MSI2: variants seen among roughly 807,000 people sequenced by gnomAD.
MSI2 encodes the protein RNA-binding protein Musashi homolog 2.
MSI2 carries 17 observed loss-of-function variants against 45.6 expected under a neutral mutation model. The ratio of observed to expected loss-of-function variants is 0.37; its 90% CI spans 0.26 to 0.56. MSI2 has a LOEUF of 0.56. Ranked by LOEUF, MSI2 falls within the 20% of genes least tolerant of loss-of-function variation. The pLI, the probability that MSI2 is intolerant of heterozygous loss-of-function variation, is 0.77. For synonymous variants in MSI2, 156 were observed against 158.2 expected (o/e 0.99, Z 0.11); for missense variants, 293 against 444.2 (o/e 0.66, Z 3.06).
At chr17:57,601,179 A>C (rs1244499209) in intron 8 of MSI2, 1 of 152,238 alleles carries the variant, frequency 6.6e-6, no homozygotes, top group Non-Finnish European at 1.5e-5. Flanking sequence ...GACAGGCCAG[A>C]TTCCCAGCTA....
At chr17:57,632,212 T>C (rs375065936) in intron 10 of MSI2, 3 of 1,116,212 alleles carry the variant, frequency 2.7e-6, no homozygotes, top group East Asian at 9.1e-5. Flanking sequence ...GGACATATCA[T>C]GGGGTGAGCT....
chr17:57,303,054 G>A (rs993741206), intron 5 of MSI2, among the ~76,000 whole-genome samples: 1 of 152,220 alleles, frequency 6.6e-6, no homozygotes, highest in Admixed American at 6.5e-5. Flanking sequence ...AGGCCAGAGC[G>A]GGGTTGGGCA....
Position 57,558,182 on chromosome 17 carries a change from G to A in MSI2, c.454+28458G>A, listed in dbSNP as rs974042619. The stretch of plus-strand genomic sequence containing the variant: ...AGATTACAAAGAGAAATTCCACGCC[G>A]TTATGGTCTCAGCGTATTAGGCGCC... On this transcript the variant is annotated intron_variant, in intron 7 of 13. Coordinates refer to ENST00000284073, the MANE Select transcript of MSI2 (RefSeq NM_138962.4). Among the ~76,000 whole-genome samples, 10 of 152,266 alleles carry A rather than the reference G, an allele frequency of 6.6e-5. No homozygotes were observed. The East Asian group carries it at 1.4e-3, about 21-fold the overall frequency.
intron 5 of MSI2, among the ~76,000 whole-genome samples, chr17:57,381,220 C>T (rs1302510327): frequency 6.6e-6 from 1 of 152,054 alleles, no homozygotes; most frequent in African/African-American, 2.4e-5. Context: ...GGTGTACCAC[C>T]ACACCTGGCT....
intron 6 of MSI2, among the ~76,000 whole-genome samples, chr17:57,461,463 A>G (rs2085226636): frequency 6.6e-6 from 1 of 151,940 alleles, no homozygotes; most frequent in East Asian, 1.9e-4. Flanking sequence ...ATGTGCAGGG[A>G]AGTAGGAAAT....
intron 7 of MSI2, among the ~76,000 whole-genome samples, chr17:57,560,270 A>C (rs1048724693): frequency 3.3e-5 from 5 of 151,980 alleles, no homozygotes; most frequent in Non-Finnish European, 5.9e-5. Context: ...TGTTCTTTTA[A>C]AATATTTTCT....
At chr17:57,392,511 G>A (rs763451167) in intron 5 of MSI2, among the ~76,000 whole-genome samples, 6 of 152,144 alleles carry the variant, frequency 3.9e-5, no homozygotes, top group Non-Finnish European at 7.3e-5. Context: ...CCATATAGGC[G>A]AGGGCTATTT....
chr17:57,292,358 G>C (rs1487802761), intron 5 of MSI2, among the ~76,000 whole-genome samples: 2 of 152,194 alleles, frequency 1.3e-5, no homozygotes, highest in African/African-American at 4.8e-5. Flanking sequence ...GTCATGGACT[G>C]GGGGAGACCA....
chr17:57,684,743 T>G (rs973741333), downstream of MSI2: 1 of 152,454 alleles, frequency 6.6e-6, no homozygotes, highest in African/African-American at 2.4e-5. Flanking sequence ...GGAGAGCTGT[T>G]GTTTTGCTTG....
chr17:57,589,743 G>A lies in MSI2; in HGVS notation c.455-7125G>A, dbSNP rs80315677. On this transcript the variant is annotated intron_variant, in intron 7 of 13. Transcript: ENST00000284073. ...CTGACAGTCTTCTCCAGAAAAGTAG[G>A]GGGGAGTGTGAAAGTAACTTGGGGT... 9.4e-4 allele frequency among the ~76,000 whole-genome samples: 143 copies of A among 152,294 alleles called. 4 individuals carry two copies. The East Asian group carries it at 0.024, about 26-fold the overall frequency.
intron 5 of MSI2, among the ~76,000 whole-genome samples, chr17:57,332,348 G>T (rs951065099): frequency 6.6e-6 from 1 of 152,102 alleles, no homozygotes; most frequent in African/African-American, 2.4e-5. Flanking sequence ...TGATCTGCCC[G>T]CCTCAGTCTC....
At position 57,624,016 on chromosome 17, in the gene MSI2, G is replaced by C. The variant is rs573501767; in HGVS notation, c.653-3213G>C. 2.6e-5 allele frequency among the ~76,000 whole-genome samples: 4 copies of C among 152,304 alleles called. No homozygotes were observed. In the East Asian group the frequency reaches 7.7e-4, roughly 29 times the overall value. On this transcript the variant is annotated intron_variant, in intron 9 of 13. Transcript: ENST00000284073. ...GAGACTATAGTATTGATGTGTCCAGGAAGAGTGGGGTGAGACCCAAAGTTG... is the reference window on the plus strand; with the variant it reads ...GAGACTATAGTATTGATGTGTCCAGCAAGAGTGGGGTGAGACCCAAAGTTG...
chr17:57,493,731 A>T (rs1047152019), intron 6 of MSI2, among the ~76,000 whole-genome samples: 9 of 151,582 alleles, frequency 5.9e-5, no homozygotes, highest in Non-Finnish European at 7.4e-5. Flanking sequence ...TGTGGTCATT[A>T]TTACTAAAAC....
At chr17:57,268,538 TA>T (rs34718628) in intron 5 of MSI2, 38,058 of 142,818 alleles carry the variant, frequency 0.27, 5,365 homozygotes, top group African/African-American at 0.39. Context: ...TACTAATAAT[TA>T]AAAAAAAAAA....
chr17:57,466,198 A>G (rs1029023280), intron 6 of MSI2, among the ~76,000 whole-genome samples: 3 of 152,160 alleles, frequency 2.0e-5, no homozygotes, highest in Non-Finnish European at 2.9e-5. Context: ...GTTTAGTGGC[A>G]ATGACTGTGG....
At chr17:57,516,017 C>A (rs1250934831) in intron 6 of MSI2, among the ~76,000 whole-genome samples, 2 of 152,122 alleles carry the variant, frequency 1.3e-5, no homozygotes, top group Non-Finnish European at 2.9e-5. Context: ...CTCCCATAAC[C>A]ACAGTACTTT....
At chr17:57,588,898 G>C (rs1197426808) in intron 7 of MSI2, among the ~76,000 whole-genome samples, 1 of 152,236 alleles carries the variant, frequency 6.6e-6, no homozygotes, top group Non-Finnish European at 1.5e-5. Flanking sequence ...TGGGGCCTCA[G>C]TTCTTCGTCT....
intron 7 of MSI2, among the ~76,000 whole-genome samples, chr17:57,574,031 C>A (rs1218155081): frequency 6.6e-6 from 1 of 152,100 alleles, no homozygotes; most frequent in Non-Finnish European, 1.5e-5. Flanking sequence ...ATGGCTCATC[C>A]TAGAGGAGAA....
Position 57,529,630 on chromosome 17 carries a change from T to C in MSI2, c.406-46T>C, listed in dbSNP as rs1192051911. 6.3e-7 allele frequency: 1 copy of C among 1,585,690 alleles called. No homozygotes were observed. The highest frequency in any genetic ancestry group is 1.1e-5 in the South Asian group (1 of 89,872). On this transcript the variant is annotated intron_variant, in intron 6 of 13. Transcript: ENST00000284073. This position sits in a 1 kb window ranked among gnomAD's most constrained non-coding sequence, Gnocchi z 5.3. ...ACATGCATATAATGTTTTGTGTACT[T>C]TCTTAAAATTCCTAAGGCAGCCTGT...
Sources: allele counts gnomAD v4.1 joint callset (sites outside exome capture counted in the v4.1 genomes callset), GRCh38; gene constraint gnomAD v4.1.1; non-coding constraint Gnocchi (gnomAD v3.1); transcripts MANE v1.5; gene names NCBI Gene and HGNC (gene_info 2026-07-23, HGNC 2026-07-21).